Variants in NFYC observed in about 807,000 individuals in gnomAD.
NFYC encodes the protein CAAT box DNA-binding protein subunit C.
In NFYC, 25 loss-of-function variants were observed where a neutral mutation model predicts 53.1. That is an observed-to-expected ratio of 0.47 (90% CI 0.34 to 0.66). The LOEUF (loss-of-function observed/expected upper bound fraction) is 0.66. NFYC is among the 30% of genes least tolerant of loss of function. NFYC has a pLI of 0.01. For synonymous variants in NFYC, 145 were observed against 152.6 expected, an observed-to-expected ratio of 0.95 and a Z score of 0.37; for missense variants, 260 against 422.7, an observed-to-expected ratio of 0.62 and a Z score of 3.38.
At position 40,742,844 on chromosome 1, in the gene NFYC, C is replaced by T. The variant is rs1323569230; in HGVS notation, c.105+3896C>T. On this transcript the variant is annotated intron_variant, in intron 2 of 9. Transcript: ENST00000447388. ...TTCCCCTCTTCTCAGGAGTGCAACA[C>T]GTGATGGCATCTGCTTCTCTGACTG... Among the ~76,000 whole-genome samples the T allele has an allele frequency of 3.3e-5, 5 of 152,112 alleles. No homozygotes were observed. In the East Asian group the frequency reaches 5.8e-4, roughly 18 times the overall value.
At chr1:40,724,760 CCT>C (rs933707268) in intron 1 of NFYC, among the ~76,000 whole-genome samples, 6 of 152,058 alleles carry the variant, frequency 3.9e-5, no homozygotes, top group Admixed American at 6.6e-5. Context: ...TGATCTGGCC[CCT>C]GTTTCAAAGA....
chr1:40,738,695 T>A, intron 1 of NFYC, 141 bp from the exon 2 acceptor site: 2 of 607,036 alleles, frequency 3.3e-6, no homozygotes, highest in Non-Finnish European at 5.7e-6. Context: ...GTTAAAATCT[T>A]TTTAGCGTAA....
intron 1 of NFYC, among the ~76,000 whole-genome samples, chr1:40,719,372 C>T (rs1644253326): frequency 6.6e-6 from 1 of 152,156 alleles, no homozygotes; most frequent in African/African-American, 2.4e-5. Flanking sequence ...GTGATTCCTC[C>T]TATAAGTGGG....
intron 2 of NFYC, among the ~76,000 whole-genome samples, chr1:40,741,752 G>A (rs1167170826): frequency 2.0e-5 from 3 of 151,708 alleles, no homozygotes; most frequent in Non-Finnish European, 4.4e-5. Context: ...ACAGGTGCAC[G>A]CCACCACACC....
At chr1:40,702,121 C>T (rs1433655937) in intron 1 of NFYC, among the ~76,000 whole-genome samples, 1 of 152,070 alleles carries the variant, frequency 6.6e-6, no homozygotes, top group Non-Finnish European at 1.5e-5. Flanking sequence ...GAATAATTTC[C>T]CATCTATTGG....
chr1:40,732,986 A>G (rs1388160695), intron 1 of NFYC, among the ~76,000 whole-genome samples: 1 of 146,038 alleles, frequency 6.8e-6, no homozygotes, highest in Non-Finnish European at 1.5e-5. Flanking sequence ...TAAGTATGTC[A>G]GGGCCAAGCT....
intron 1 of NFYC, among the ~76,000 whole-genome samples, chr1:40,700,025 A>T (rs942611219): frequency 2.0e-5 from 3 of 152,192 alleles, no homozygotes; most frequent in Admixed American, 6.5e-5. Context: ...TCATGCTATG[A>T]CTGGTGTGTA....
rs556873877 is a variant in NFYC, at chr1:40,747,276, CTG to C, written c.106-254_106-253del. 5.9e-4 allele frequency among the ~76,000 whole-genome samples: 86 copies of C among 146,058 alleles called. 1 individual carries two copies. Among genetic ancestry groups the C allele is most frequent in the African/African-American group, 2.0e-3 (80 of 39,372 alleles). On this transcript the variant is annotated intron_variant, in intron 2 of 9. Coordinates refer to ENST00000447388, the MANE Select transcript of NFYC (RefSeq NM_014223.5). ...AAAAAAAAACAGATATTGCTTGGGG[CTG>C]TGTTTCATGAGAGCACTGTTAGAGG...
At chr1:40,732,207 A>G (rs1322817056) in intron 1 of NFYC, among the ~76,000 whole-genome samples, 1 of 152,242 alleles carries the variant, frequency 6.6e-6, no homozygotes, top group African/African-American at 2.4e-5. Flanking sequence ...GCTACTATAA[A>G]AGAGTTTGGT....
chr1:40,727,349 A>G (rs1644563387), intron 1 of NFYC, among the ~76,000 whole-genome samples: 1 of 150,386 alleles, frequency 6.6e-6, no homozygotes, highest in South Asian at 2.1e-4. Flanking sequence ...TCAGCCTCCT[A>G]AGTAGTTGGG....
At chr1:40,710,740 C>T (rs1019162806) in intron 1 of NFYC, among the ~76,000 whole-genome samples, 4 of 152,070 alleles carry the variant, frequency 2.6e-5, no homozygotes, top group Non-Finnish European at 1.5e-5. Flanking sequence ...AAAGGATTTA[C>T]CTTAGAGGAC....
intron 1 of NFYC, among the ~76,000 whole-genome samples, chr1:40,718,935 G>A (rs371049643): frequency 2.0e-5 from 3 of 152,240 alleles, no homozygotes; most frequent in East Asian, 1.9e-4. Context: ...GCAGTGGCAC[G>A]ATCTTGGCTC....
intron 1 of NFYC, among the ~76,000 whole-genome samples, chr1:40,699,783 C>G (rs1424161284): frequency 6.6e-6 from 1 of 152,214 alleles, no homozygotes; most frequent in Non-Finnish European, 1.5e-5. Flanking sequence ...TTCCCAAGCT[C>G]TTCCACTGAA....
At chr1:40,711,801 G>C (rs929196969) in intron 1 of NFYC, among the ~76,000 whole-genome samples, 2 of 152,188 alleles carry the variant, frequency 1.3e-5, no homozygotes, top group African/African-American at 4.8e-5. Context: ...GTGTGTAAGT[G>C]GGGGAGGCTT....
chr1:40,757,130 A>G (rs1474141865), intron 5 of NFYC, among the ~76,000 whole-genome samples: 14 of 152,162 alleles, frequency 9.2e-5, no homozygotes, highest in Admixed American at 8.5e-4. Flanking sequence ...AAATTTAGCT[A>G]ATATTTTTAC....
Position 40,749,274 on chromosome 1 carries a change from A to G in NFYC, c.178-299A>G, listed in dbSNP as rs984276461. Among the ~76,000 whole-genome samples the G allele has an allele frequency of 4.6e-5, 7 of 152,198 alleles. No homozygotes were observed. The East Asian group carries it at 5.8e-4, about 13-fold the overall frequency. ...CTAAACCCTGCCACTTACTGGCTCT[A>G]TGGCTGTGGGCAAGTCACTTCATCT... is the stretch of plus-strand genomic sequence containing the variant. On this transcript the variant is annotated intron_variant, in intron 3 of 9. Transcript: ENST00000447388.
At position 40,770,514 on chromosome 1, in the gene NFYC, C is replaced by A. The variant is rs768256782; in HGVS notation, c.889-195C>A. The A allele has an allele frequency of 5.8e-6, 9 of 1,556,424 alleles. No individual in the cohort carries two copies. The highest frequency in any genetic ancestry group is 1.2e-5 in the South Asian group (1 of 84,812). ...CTCTTCCCTGCCCACCACACACCCC[C>A]CCTCACACCGGGCTGGTGCCTCCTG... On this transcript the variant is annotated intron_variant, in intron 9 of 9. Transcript: ENST00000447388. The surrounding 1 kb of genome is among the most constrained non-coding windows in gnomAD (Gnocchi z 5.3).
chr1:40,764,012 T>C (rs1646695484), intron 7 of NFYC, among the ~76,000 whole-genome samples: 1 of 152,250 alleles, frequency 6.6e-6, no homozygotes, highest in African/African-American at 2.4e-5. Flanking sequence ...AACTTATCTA[T>C]TCCTTTACTG....
In NFYC at chr1:40,694,320, A is replaced by G. The variant is rs1484670404; in HGVS notation, c.-9+2453A>G. ...TGTAAAATTAAGACTGGATAGGACAAAATATTTGCAGTTCCAATTTTGCAT... is the reference window on the plus strand; with the variant it reads ...TGTAAAATTAAGACTGGATAGGACAGAATATTTGCAGTTCCAATTTTGCAT... On this transcript the variant is annotated intron_variant, in intron 1 of 9. Coordinates refer to ENST00000447388, the MANE Select transcript of NFYC (RefSeq NM_014223.5). Among the ~76,000 whole-genome samples the G allele has an allele frequency of 1.3e-5, 2 of 152,224 alleles. 1 individual carries two copies. Among genetic ancestry groups the G allele is most frequent in the African/African-American group, 4.8e-5 (2 of 41,458 alleles).
Sources: gnomAD v4.1 joint callset for allele counts (sites outside exome capture counted in the v4.1 genomes callset) on GRCh38, gnomAD v4.1.1 for gene constraint, Gnocchi (gnomAD v3.1) non-coding constraint, MANE v1.5 for transcripts, NCBI Gene and HGNC (gene_info 2026-07-23, HGNC 2026-07-21) for gene names.